The following PIK3C2G variants were observed in gnomAD, a reference collection of about 807,000 sequenced individuals.
The protein encoded by PIK3C2G is phosphatidylinositol 3-kinase C2 domain-containing subunit gamma.
A neutral mutation model predicts 181.1 loss-of-function variants in PIK3C2G; 168 were observed. The observed-to-expected ratio is 0.93, with a 90% confidence interval of 0.82 to 1.05. The LOEUF is 1.05. PIK3C2G is among the 50% of genes least tolerant of loss of function. The pLI, the probability that PIK3C2G is intolerant of heterozygous loss-of-function variation, is 0.00. For missense variants in PIK3C2G, 1,869 were observed against 1,732.8 expected (o/e 1.08, Z -1.40); for synonymous variants, 573 against 592.2 (o/e 0.97, Z 0.47).
At chr12:18,595,429 G>A (rs1217982552) in intron 30 of PIK3C2G, among the ~76,000 whole-genome samples, 1 of 152,060 alleles carries the variant, frequency 6.6e-6, no homozygotes, top group East Asian at 1.9e-4. Context: ...TACTACCTCT[G>A]CAAGTTAATT....
At chr12:18,379,174 C>G (rs966675205) in intron 13 of PIK3C2G, among the ~76,000 whole-genome samples, 6 of 152,012 alleles carry the variant, frequency 3.9e-5, no homozygotes, top group Admixed American at 3.9e-4. Flanking sequence ...CCATGGAATA[C>G]TATGCAGCCA....
At chr12:18,399,559 A>C (rs1944122392) in intron 15 of PIK3C2G, 100 bp from the exon 16 acceptor site, 1 of 582,462 alleles carries the variant, frequency 1.7e-6, no homozygotes, top group Non-Finnish European at 2.8e-6. Context: ...CTAAAATAAA[A>C]TTCAAAGAAC....
the PIK3C2G span, among the ~76,000 whole-genome samples, chr12:18,708,020 G>A: frequency 6.6e-6 from 1 of 152,164 alleles, no homozygotes; most frequent in Non-Finnish European, 1.5e-5. Context: ...TTTGTAGCAA[G>A]AGCAGCTAAA....
intron 31 of PIK3C2G, among the ~76,000 whole-genome samples, chr12:18,634,490 GTA>G (rs1949502188): frequency 1.3e-5 from 2 of 152,200 alleles, no homozygotes; most frequent in Admixed American, 1.3e-4. Flanking sequence ...ATTTATTCCA[GTA>G]AGAAGAAACA....
rs557260019 is a variant in PIK3C2G at position 18,588,929 on chromosome 12, A to T, written c.4012-5565A>T. On this transcript the variant is annotated intron_variant, in intron 29 of 32. Coordinates refer to ENST00000538779, the MANE Select transcript of PIK3C2G (RefSeq NM_001288772.2). ...TGCGGTCATAAAAAAGAGCAAGATC[A>T]TGTCCTCTTCAGGAACATGGATGGA... 1.3e-4 allele frequency among the ~76,000 whole-genome samples: 20 copies of T among 152,256 alleles called. No homozygotes were observed. In the South Asian group the frequency reaches 3.7e-3, roughly 28 times the overall value.
chr12:18,684,459 G>C, the PIK3C2G span, among the ~76,000 whole-genome samples: 1 of 151,988 alleles, frequency 6.6e-6, no homozygotes, highest in African/African-American at 2.4e-5. Context: ...AATAATGAGT[G>C]TTTACTATTG....
At chr12:18,533,233 A>T (rs1378456152) in intron 24 of PIK3C2G, among the ~76,000 whole-genome samples, 1 of 152,112 alleles carries the variant, frequency 6.6e-6, no homozygotes, top group East Asian at 1.9e-4. Flanking sequence ...TGGTCCAGAA[A>T]TGAGTACCCT....
chr12:18,563,221 A>G (rs907269593), intron 27 of PIK3C2G, among the ~76,000 whole-genome samples, 156 bp from the exon 28 acceptor site: 1 of 152,230 alleles, frequency 6.6e-6, no homozygotes, highest in African/African-American at 2.4e-5. Flanking sequence ...TATTATTTAT[A>G]TTTAATTTTG....
chr12:18,536,111 A>T (rs191224893), intron 24 of PIK3C2G, among the ~76,000 whole-genome samples: 198 of 152,070 alleles, frequency 1.3e-3, no homozygotes, highest in Admixed American at 4.2e-3. Context: ...AAGTATAATT[A>T]AAAAAATGCT....
the PIK3C2G span, among the ~76,000 whole-genome samples, chr12:18,703,060 A>G: frequency 6.6e-6 from 1 of 152,168 alleles, no homozygotes; most frequent in Non-Finnish European, 1.5e-5. Context: ...AATGCTAGAA[A>G]AATAGATTCA....
the PIK3C2G span, among the ~76,000 whole-genome samples, chr12:18,725,832 A>C: frequency 1.3e-5 from 2 of 151,980 alleles, no homozygotes; most frequent in Non-Finnish European, 2.9e-5. Flanking sequence ...TTAAATTACC[A>C]ATTTCTACTA....
the PIK3C2G span, chr12:18,701,561 A>G: frequency 1.9e-5 from 30 of 1,613,302 alleles, no homozygotes; most frequent in South Asian, 1.6e-4. Context: ...CCTTGTCTTG[A>G]TTGTCTCCTA....
chr12:18,725,994 C>G, the PIK3C2G span, among the ~76,000 whole-genome samples: 1 of 152,048 alleles, frequency 6.6e-6, no homozygotes, highest in Non-Finnish European at 1.5e-5. Context: ...TTTCTATATT[C>G]ATTCTAGAAT....
chr12:18,659,562 A>G, the PIK3C2G span, among the ~76,000 whole-genome samples: 2 of 152,140 alleles, frequency 1.3e-5, no homozygotes, highest in African/African-American at 4.8e-5. Context: ...AATTGTCTCA[A>G]TAATGTATTT....
chr12:18,602,548 C>T (rs190908047), intron 30 of PIK3C2G, among the ~76,000 whole-genome samples: 1 of 152,092 alleles, frequency 6.6e-6, no homozygotes, highest in East Asian at 1.9e-4. Flanking sequence ...TTCTGGAAAG[C>T]TCCACCTCCT....
At chr12:18,689,830 T>C in the PIK3C2G span, among the ~76,000 whole-genome samples, 1 of 152,274 alleles carries the variant, frequency 6.6e-6, no homozygotes, top group Middle Eastern at 3.4e-3. Flanking sequence ...TTAAGAAAGC[T>C]TATAGTAAAA....
chr12:18,555,593 T>C (rs915091458), intron 26 of PIK3C2G, among the ~76,000 whole-genome samples: 1 of 152,162 alleles, frequency 6.6e-6, no homozygotes, highest in African/African-American at 2.4e-5. Flanking sequence ...TTTTTTAAGA[T>C]AGGACCTAAG....
At chr12:18,366,126 C>A (rs1269917994) in intron 12 of PIK3C2G, among the ~76,000 whole-genome samples, 1 of 152,176 alleles carries the variant, frequency 6.6e-6, no homozygotes, top group African/African-American at 2.4e-5. Flanking sequence ...CAAGGCATGT[C>A]ATTCTTCTGT....
intron 30 of PIK3C2G, among the ~76,000 whole-genome samples, chr12:18,599,767 A>G (rs1037244750): frequency 1.2e-4 from 18 of 151,910 alleles, no homozygotes; most frequent in African/African-American, 3.4e-4. Flanking sequence ...AGCCATAGGT[A>G]TATTAGGCAA....
Sources: gnomAD v4.1 joint callset for allele counts (sites outside exome capture counted in the v4.1 genomes callset) on GRCh38, gnomAD v4.1.1 for gene constraint, MANE v1.5 for transcripts, NCBI Gene and HGNC (gene_info 2026-07-23, HGNC 2026-07-21) for gene names.